The following TGM7 variants were observed in gnomAD, a reference collection of about 807,000 sequenced individuals.
TGM7 encodes protein-glutamine gamma-glutamyltransferase Z.
TGM7 carries 74 observed loss-of-function variants against 79.5 expected under a neutral mutation model. That is an observed-to-expected ratio of 0.93 (90% CI 0.77 to 1.13). The LOEUF (loss-of-function observed/expected upper bound fraction) is 1.13. TGM7 is among the 50% of genes most tolerant of loss of function. The pLI is 0.00. For synonymous variants in TGM7, 354 were observed against 362.5 expected, an observed-to-expected ratio of 0.98 and a Z score of 0.27; for missense variants, 912 against 905.9, an observed-to-expected ratio of 1.01 and a Z score of -0.09.
intron 8 of TGM7, 84 bp downstream of exon 8, chr15:43,282,433 C>T: frequency 1.6e-6 from 2 of 1,223,502 alleles, no homozygotes; most frequent in Non-Finnish European, 2.3e-6. Flanking sequence ...AACGCTGCTC[C>T]TCCCTGGTCT....
In TGM7 at chr15:43,301,094, C is replaced by T. The variant is rs137966912; in HGVS notation, c.10+1147G>A. On this transcript the variant is annotated intron_variant, in intron 1 of 12. Transcript: ENST00000452443. The stretch of plus-strand genomic sequence containing the variant: ...CCCCCCCAGGCTCATGCAGTCCTCC[C>T]GCCTCAGCCCTCCAAGTAGCTGGAA... 6.6e-3 allele frequency among the ~76,000 whole-genome samples: 1,001 copies of T among 152,086 alleles called. 6 individuals are homozygous for T. Among genetic ancestry groups the T allele is most frequent in the African/African-American group, 0.023 (955 of 41,544 alleles).
chr15:43,279,884 A>G lies in TGM7; in HGVS notation c.1419T>C (p.Ser473=), dbSNP rs1455746407. 6.2e-7 allele frequency: 1 copy of G among 1,614,218 alleles called. No homozygotes were observed. Among genetic ancestry groups the G allele is most frequent in the East Asian group, 2.2e-5 (1 of 44,876 alleles). The change falls in exon 10 of 13, where the codon TCT becomes TCC. Residue 473 remains serine, a synonymous_variant. Coordinates refer to ENST00000452443, the MANE Select transcript of TGM7 (RefSeq NM_052955.3). ...SRKMLGPQRA[S]LPFLDLLESG... ...ACTCCAGGAGATCCAGGAAGGGCAA[A>G]GAAGCTCTTTGGGGGCCCAGCATTT...
At chr15:43,293,323 C>T in intron 2 of TGM7, 126 bp downstream of exon 2, 1 of 1,274,968 alleles carries the variant, frequency 7.8e-7, no homozygotes, top group Non-Finnish European at 1.1e-6. Flanking sequence ...CATGAGGGGT[C>T]TGGGGCTCCC....
At chr15:43,291,775 G>A (rs79804941) in intron 4 of TGM7, among the ~76,000 whole-genome samples, 1 of 152,264 alleles carries the variant, frequency 6.6e-6, no homozygotes, top group East Asian at 1.9e-4. Context: ...ATAATAAAAT[G>A]TTAAAAACTA....
rs115629509 is a variant in TGM7 at position 43,278,167 on chromosome 15, T to C, written c.1839+950A>G. On this transcript the variant is annotated intron_variant, in intron 11 of 12. Coordinates refer to ENST00000452443, the MANE Select transcript of TGM7 (RefSeq NM_052955.3). The stretch of plus-strand genomic sequence containing the variant: ...GGAGCTGCCCAGTTCTCTATTGGGG[T>C]GGGGAGGGGCAGGCTGTTGGAGAAG... 4.2e-3 allele frequency among the ~76,000 whole-genome samples: 643 copies of C among 151,988 alleles called. 5 individuals carry two copies. The highest frequency in any genetic ancestry group is 0.015 in the African/African-American group (620 of 41,442).
At chr15:43,289,074 T>TA (rs756146264) in intron 4 of TGM7, among the ~76,000 whole-genome samples, 2 of 151,980 alleles carry the variant, frequency 1.3e-5, no homozygotes, top group African/African-American at 2.4e-5. Context: ...TTTTTTTTTT[T>TA]ATTCTACTTT....
chr15:43,282,729 T>C (rs2042915963), intron 7 of TGM7, 109 bp from the exon 8 acceptor site: 2 of 888,674 alleles, frequency 2.3e-6, no homozygotes, highest in African/African-American at 3.4e-5. Context: ...TACTTTTTAT[T>C]AGGAAGTAAT....
At chr15:43,299,208 G>A (rs1389443496) in intron 1 of TGM7, among the ~76,000 whole-genome samples, 1 of 152,104 alleles carries the variant, frequency 6.6e-6, no homozygotes, top group African/African-American at 2.4e-5. Flanking sequence ...TTGATTAAAG[G>A]CAGGCTTTTG....
chr15:43,302,058 G>A, intron 1 of TGM7, 183 bp downstream of exon 1: 1 of 685,294 alleles, frequency 1.5e-6, no homozygotes, highest in African/African-American at 1.8e-5. Context: ...ATGGCTGTAG[G>A]ATTTGTGCCC....
At position 43,279,668 on chromosome 15, in the gene TGM7, G is replaced by A. The variant is rs1332014831; in HGVS notation, c.1635C>T (p.Pro545=). The A allele has an allele frequency of 6.2e-7, 1 of 1,611,164 alleles. No individual in the cohort carries two copies. Among genetic ancestry groups the A allele is most frequent in the East Asian group, 2.2e-5 (1 of 44,824 alleles). The change falls in exon 10 of 13, where the codon CCC becomes CCT. Residue 545 remains proline (P), a synonymous_variant. Transcript: ENST00000452443. ...TCATCCGCACTGTGTGCCTCCAGAA[G>A]GGCTTCTGGGTACCACCCCCATGCA... ...ALLHGGGTQK[P]FWRHTVRMNL...
intron 7 of TGM7, among the ~76,000 whole-genome samples, chr15:43,284,376 A>T (rs1346235810): frequency 6.6e-6 from 1 of 152,172 alleles, no homozygotes; most frequent in African/African-American, 2.4e-5. Context: ...ATATACATGC[A>T]CAGACACATG....
intron 12 of TGM7, 64 bp from the exon 13 acceptor site, chr15:43,276,678 G>A: frequency 1.9e-6 from 3 of 1,570,522 alleles, no homozygotes; most frequent in Non-Finnish European, 2.6e-6. Context: ...GGGTGATCTG[G>A]TTCCCCTCTG....
Position 43,279,913 on chromosome 15 carries a change from G to T in TGM7, c.1390C>A (p.Arg464=), listed in dbSNP as rs150608262. 3 of 1,614,098 alleles carry T rather than the reference G, an allele frequency of 1.9e-6. No individual in the cohort carries two copies. In the African/African-American group the frequency reaches 4.0e-5, roughly 22 times the overall value. ...EERAVFMKAS[R]KMLGPQRASL... Reference sequence around the variant, plus strand: ...GCTCTTTGGGGGCCCAGCATTTTCCGAGAAGCCTTCATGAAGACAGCTCTC... The same window carrying T: ...GCTCTTTGGGGGCCCAGCATTTTCCTAGAAGCCTTCATGAAGACAGCTCTC... The change falls in exon 10 of 13, where the codon CGG becomes AGG. Residue 464 remains arginine (R), a synonymous_variant. Coordinates refer to ENST00000452443, the MANE Select transcript of TGM7 (RefSeq NM_052955.3).
chr15:43,292,621 C>A, intron 3 of TGM7, 88 bp downstream of exon 3: 1 of 1,524,962 alleles, frequency 6.6e-7, no homozygotes, highest in South Asian at 1.2e-5. Flanking sequence ...AGCTATGTGG[C>A]GATTTATTTT....
At chr15:43,286,951 G>C (rs570192858) in intron 6 of TGM7, among the ~76,000 whole-genome samples, 1 of 152,172 alleles carries the variant, frequency 6.6e-6, no homozygotes, top group African/African-American at 2.4e-5. Flanking sequence ...CCCATGCCAG[G>C]CTCACCCTGA....
intron 1 of TGM7, among the ~76,000 whole-genome samples, chr15:43,295,012 C>T (rs1219692205): frequency 6.6e-6 from 1 of 152,086 alleles, no homozygotes; most frequent in African/African-American, 2.4e-5. Flanking sequence ...AGTGATCCTC[C>T]CATCTCAGCT....
intron 2 of TGM7, 47 bp from the exon 3 acceptor site, chr15:43,293,001 T>C (rs2042971850): frequency 6.3e-7 from 1 of 1,598,174 alleles, no homozygotes; most frequent in Non-Finnish European, 8.5e-7. Context: ...AAAACCTGTA[T>C]GGTATATGAT....
At chr15:43,292,153 T>C (rs1272601739) in intron 3 of TGM7, 56 bp from the exon 4 acceptor site, 11 of 1,256,112 alleles carry the variant, frequency 8.8e-6, no homozygotes, top group Non-Finnish European at 1.3e-5. Context: ...AAACAGAGTA[T>C]TAAATTAAAA....
intron 6 of TGM7, among the ~76,000 whole-genome samples, chr15:43,285,805 A>G (rs2042932645): frequency 6.6e-6 from 1 of 151,738 alleles, no homozygotes; most frequent in African/African-American, 2.4e-5. Context: ...GATTTCACAA[A>G]TCTAGTCACA....
Sources: allele counts gnomAD v4.1 joint callset (sites outside exome capture counted in the v4.1 genomes callset), GRCh38; gene constraint gnomAD v4.1.1; transcripts MANE v1.5; gene names NCBI Gene and HGNC (gene_info 2026-07-23, HGNC 2026-07-21).